Variants in HIVEP2 observed in about 807,000 individuals in gnomAD.
HIVEP2 encodes the protein transcription factor HIVEP2.
In HIVEP2, 14 loss-of-function variants were observed where a neutral mutation model predicts 180.7. The observed-to-expected ratio is 0.08, with a 90% CI of 0.05 to 0.12. The LOEUF (loss-of-function observed/expected upper bound fraction) is 0.12. Ranked by LOEUF, HIVEP2 falls within the 10% of genes least tolerant of loss-of-function variation. HIVEP2 has a pLI of 1.00. For synonymous variants in HIVEP2, 1,184 were observed against 1,136.4 expected, an observed-to-expected ratio of 1.04 and a Z score of -0.84; for missense variants, 2,579 against 3,008.5, an observed-to-expected ratio of 0.86 and a Z score of 3.34.
intron 1 of HIVEP2, among the ~76,000 whole-genome samples, chr6:142,911,656 C>T (rs1777410500): frequency 6.6e-6 from 1 of 152,196 alleles, no homozygotes. Context: ...CAGCCTGACA[C>T]TGCTCCCAGG....
At chr6:142,933,404 G>T (rs756783332) in intron 1 of HIVEP2, among the ~76,000 whole-genome samples, 2 of 152,142 alleles carry the variant, frequency 1.3e-5, no homozygotes, top group Non-Finnish European at 2.9e-5. Context: ...CTATAAGAAG[G>T]CTTAGTATAA....
intron 2 of HIVEP2, among the ~76,000 whole-genome samples, chr6:142,816,573 A>G (rs1266093119): frequency 6.6e-6 from 1 of 152,094 alleles, no homozygotes; most frequent in Non-Finnish European, 1.5e-5. Flanking sequence ...ACCAGATACC[A>G]TCCCCTGCGT....
intron 9 of HIVEP2, among the ~76,000 whole-genome samples, chr6:142,756,388 G>A (rs1240517991): frequency 6.6e-6 from 1 of 152,198 alleles, no homozygotes; most frequent in African/African-American, 2.4e-5. Flanking sequence ...TGACATGCCA[G>A]CAGGAGGCTT....
At chr6:142,784,223 A>G (rs893024160) in intron 2 of HIVEP2, among the ~76,000 whole-genome samples, 8 of 152,184 alleles carry the variant, frequency 5.3e-5, no homozygotes, top group African/African-American at 1.9e-4. Flanking sequence ...TTAATCAACA[A>G]TCTTAACAGA....
chr6:142,911,558 GA>G (rs1220600777), intron 1 of HIVEP2, among the ~76,000 whole-genome samples: 1 of 152,214 alleles, frequency 6.6e-6, no homozygotes, highest in African/African-American at 2.4e-5. Flanking sequence ...TACAGACGAG[GA>G]GACTAAGAAT....
intron 2 of HIVEP2, among the ~76,000 whole-genome samples, chr6:142,810,538 A>C (rs1271376008): frequency 6.6e-6 from 1 of 152,030 alleles, no homozygotes; most frequent in African/African-American, 2.4e-5. Flanking sequence ...CAGGGGGGCA[A>C]ATCACTTGAG....
intron 1 of HIVEP2, among the ~76,000 whole-genome samples, chr6:142,879,996 A>G (rs1290718325): frequency 6.6e-6 from 1 of 152,158 alleles, no homozygotes; most frequent in Non-Finnish European, 1.5e-5. Context: ...AATACCCTCA[A>G]TTGAACACCA....
intron 2 of HIVEP2, among the ~76,000 whole-genome samples, chr6:142,825,975 A>T (rs2114846441): frequency 6.6e-6 from 1 of 152,250 alleles, no homozygotes; most frequent in Admixed American, 6.5e-5. Context: ...AAAATAAAGC[A>T]ATAAATATCT....
chr6:142,778,006 T>G (rs1775750591), intron 3 of HIVEP2, among the ~76,000 whole-genome samples: 1 of 152,100 alleles, frequency 6.6e-6, no homozygotes, highest in Non-Finnish European at 1.5e-5. Flanking sequence ...CGGTAAGTCT[T>G]TTGGGTGAGA....
intron 1 of HIVEP2, among the ~76,000 whole-genome samples, chr6:142,887,452 G>A (rs544254158): frequency 3.7e-4 from 57 of 152,280 alleles, no homozygotes; most frequent in Non-Finnish European, 6.5e-4. Flanking sequence ...ACAGCTTTCA[G>A]TCATGGTGGT....
chr6:142,844,066 A>G (rs12203103), intron 1 of HIVEP2, among the ~76,000 whole-genome samples: 22,526 of 152,152 alleles, frequency 0.15, 2,151 homozygotes, highest in Non-Finnish European at 0.22. Flanking sequence ...AACTCCAGCA[A>G]TATTCTTCCA....
At chr6:142,914,521 A>G (rs1054457549) in intron 1 of HIVEP2, among the ~76,000 whole-genome samples, 10 of 152,248 alleles carry the variant, frequency 6.6e-5, no homozygotes, top group African/African-American at 2.4e-4. Context: ...GGGCAGAGTC[A>G]TAACAGACAA....
intron 2 of HIVEP2, among the ~76,000 whole-genome samples, chr6:142,829,219 T>C (rs993545042): frequency 3.3e-5 from 5 of 152,320 alleles, no homozygotes; most frequent in Admixed American, 6.5e-5. Context: ...TTCTATACTC[T>C]CTAGGTCTCT....
At chr6:142,857,316 A>G (rs1775848645) in intron 1 of HIVEP2, among the ~76,000 whole-genome samples, 1 of 152,170 alleles carries the variant, frequency 6.6e-6, no homozygotes, top group African/African-American at 2.4e-5. Flanking sequence ...ACAATAAGCT[A>G]TTGTATAGCC....
intron 1 of HIVEP2, among the ~76,000 whole-genome samples, chr6:142,877,328 A>C (rs1776468746): frequency 6.6e-6 from 1 of 152,186 alleles, no homozygotes; most frequent in Non-Finnish European, 1.5e-5. Flanking sequence ...CTGCTAAGTA[A>C]CTAAGGCCAA....
chr6:142,773,825 A>G lies in HIVEP2; in HGVS notation c.914T>C (p.Ile305Thr), dbSNP rs751629804. Residue 305 changes from isoleucine (I) to threonine (T), a missense_variant, in exon 5 of 10, where the codon ATT becomes ACT. By Grantham distance (89) the Ile-to-Thr change is moderately conservative (BLOSUM62 -1). This residue lies in a region of HIVEP2 where 142 missense variants were observed against 135.2 expected (regional missense o/e 1.05). Coordinates refer to ENST00000367603, the MANE Select transcript of HIVEP2 (RefSeq NM_006734.4). Reference sequence around the variant, plus strand: ...CCCATGATAGCCGCCTCTGCTGGCAATGTCCAGTGGGATGGGTGGACCAGG... The same window carrying G: ...CCCATGATAGCCGCCTCTGCTGGCAGTGTCCAGTGGGATGGGTGGACCAGG... ...MSPGPPIPLD[I>T]ASRGGYHGSL... 1.9e-6 allele frequency: 3 copies of G among 1,613,690 alleles called. No homozygotes were observed. In the African/African-American group the frequency reaches 4.0e-5, roughly 22 times the overall value.
In HIVEP2 at chr6:142,940,990, C is replaced by T. The variant is rs1778163693; in HGVS notation, c.-641+4109G>A. Among the ~76,000 whole-genome samples the T allele has an allele frequency of 5.9e-5, 9 of 152,248 alleles. No homozygotes were observed. In the South Asian group the frequency reaches 1.9e-3, roughly 32 times the overall value. On this transcript the variant is annotated intron_variant, in intron 1 of 9. Transcript: ENST00000367603. ...CTCAAATAGATGTAAACAATTAGAT[C>T]CCAAATTTTAAGGAGGTTGGAAATC... is the stretch of plus-strand genomic sequence containing the variant.
intron 1 of HIVEP2, among the ~76,000 whole-genome samples, chr6:142,852,899 T>G (rs1211977337): frequency 6.6e-6 from 1 of 152,232 alleles, no homozygotes; most frequent in Non-Finnish European, 1.5e-5. Context: ...ATTCCTATCT[T>G]TGAAAAATTT....
At chr6:142,756,850 CATCT>C (rs1395239209) in intron 9 of HIVEP2, among the ~76,000 whole-genome samples, 1 of 151,542 alleles carries the variant, frequency 6.6e-6, no homozygotes, top group African/African-American at 2.4e-5. Flanking sequence ...TCCGTCCATC[CATCT>C]GTCTTAAAAT....
Sources: gnomAD v4.1 joint callset for allele counts (sites outside exome capture counted in the v4.1 genomes callset) on GRCh38, gnomAD v4.1.1 for gene constraint, gnomAD v4.1.1 regional missense constraint, MANE v1.5 for transcripts, NCBI Gene and HGNC (gene_info 2026-07-23, HGNC 2026-07-21) for gene names.